Variants in TSBP1 observed in about 807,000 individuals in gnomAD.
TSBP1 encodes the protein testis expressed basic protein 1.
Under a neutral mutation model 68.8 loss-of-function variants are expected in TSBP1, and 56 were observed. That is an observed-to-expected ratio of 0.81 (90% CI 0.66 to 1.02). The LOEUF (loss-of-function observed/expected upper bound fraction) is 1.02, where lower values mean the gene tolerates loss of function less well. Among genes scored for constraint, TSBP1 ranks in the 50% least tolerant of loss-of-function variants. TSBP1 has a pLI of 0.00. For missense variants in TSBP1, 502 were observed against 641.2 expected (o/e 0.78, Z 2.34); for synonymous variants, 171 against 208.7 (o/e 0.82, Z 1.56).
At position 32,357,746 on chromosome 6, in the gene TSBP1, C is replaced by A. The variant is rs1263059271; in HGVS notation, c.218-2077G>T. ...AGAGAGTAGGAAAGGAGTTAAATAT[C>A]ATTCCAAGGTAGATAGTCTGAGCAA... is the stretch of plus-strand genomic sequence containing the variant. On this transcript the variant is annotated intron_variant, in intron 6 of 22. Coordinates refer to ENST00000612031, the Ensembl canonical transcript of TSBP1. The surrounding 1 kb of genome is among the most constrained non-coding windows in gnomAD (Gnocchi z 4.7). 1.3e-5 allele frequency among the ~76,000 whole-genome samples: 2 copies of A among 152,160 alleles called. No individual in the cohort carries two copies. The highest frequency in any genetic ancestry group is 3.9e-4 in the East Asian group (2 of 5,194).
In TSBP1 at chr6:32,337,665, C is replaced by T. The variant is rs762005258; in HGVS notation, c.410-1030G>A. On this transcript the variant is annotated intron_variant, in intron 11 of 22. Coordinates refer to ENST00000612031, the Ensembl canonical transcript of TSBP1. This position sits in a 1 kb window ranked among gnomAD's most constrained non-coding sequence, Gnocchi z 5.5. ...CAGTAACAGTCTTCTTCTTTATGAC[C>T]ACACACACACATACACATACACACA... is the stretch of plus-strand genomic sequence containing the variant. 6.6e-6 allele frequency among the ~76,000 whole-genome samples: 1 copy of T among 151,786 alleles called. No homozygotes were observed. Among genetic ancestry groups the T allele is most frequent in the Non-Finnish European group, 1.5e-5 (1 of 67,926 alleles).
chr6:32,310,522 T>G (rs1437095837), intron 19 of TSBP1, among the ~76,000 whole-genome samples: 2 of 151,682 alleles, frequency 1.3e-5, no homozygotes, highest in African/African-American at 4.8e-5. Context: ...ATATTTTCCA[T>G]GTACTATTTT....
intron 8 of TSBP1, among the ~76,000 whole-genome samples, chr6:32,352,266 C>T (rs1045475199): frequency 5.9e-5 from 9 of 151,814 alleles, no homozygotes; most frequent in African/African-American, 1.9e-4. Context: ...AAGAATACCA[C>T]AAACAAGATG....
Position 32,336,897 on chromosome 6 carries a change from T to C in TSBP1, c.410-262A>G, listed in dbSNP as rs1185290214. 3.9e-5 allele frequency among the ~76,000 whole-genome samples: 6 copies of C among 152,356 alleles called. No homozygotes were observed. Among genetic ancestry groups the C allele is most frequent in the East Asian group, 1.9e-4 (1 of 5,196 alleles). ...ACTACAGTTTTAAACATGAATTATT[T>C]GGCTTTCCCTTGTCCTAAACTCAGT... On this transcript the variant is annotated intron_variant, in intron 11 of 22. Transcript: ENST00000612031. The surrounding 1 kb of genome is among the most constrained non-coding windows in gnomAD (Gnocchi z 5.2).
chr6:32,325,832 AT>A lies in TSBP1; in HGVS notation c.515-2219del. ...GGTTCTGGAAACTTAGGTGGTGGTCATGGAGGTGGTTTCGGTGGGAATGACA... is the reference window on the plus strand; with the variant it reads ...GGTTCTGGAAACTTAGGTGGTGGTCAGGAGGTGGTTTCGGTGGGAATGACA... On this transcript the variant is annotated intron_variant, in intron 16 of 22. Transcript: ENST00000612031. The surrounding 1 kb of genome is among the most constrained non-coding windows in gnomAD (Gnocchi z 4.4). 7.6e-7 allele frequency: 1 copy of A among 1,324,028 alleles called. No individual in the cohort carries two copies. Among genetic ancestry groups the A allele is most frequent in the Non-Finnish European group, 1.1e-6 (1 of 930,838 alleles). The allele number at this position is 1,324,028 out of a possible 1,614,324, so 82.0% of individuals were successfully genotyped here.
chr6:32,332,112 C>A (rs775502299), intron 14 of TSBP1, 58 bp from the exon 16 acceptor site: 11 of 1,311,176 alleles, frequency 8.4e-6, no homozygotes, highest in Non-Finnish European at 1.2e-5. Context: ...GTATTTTTCA[C>A]TAATTTTATC....
intron 16 of TSBP1, among the ~76,000 whole-genome samples, chr6:32,327,726 T>C (rs1461859005): frequency 6.6e-6 from 1 of 150,694 alleles, no homozygotes; most frequent in Non-Finnish European, 1.5e-5. Flanking sequence ...TGACCTCAGC[T>C]CACTGCAACC....
chr6:32,367,129 G>T (rs1009802745), intron 4 of TSBP1, among the ~76,000 whole-genome samples: 1 of 151,584 alleles, frequency 6.6e-6, no homozygotes, highest in Non-Finnish European at 1.5e-5. Context: ...GGTGTAGCTG[G>T]TGGGCCTGGT....
chr6:32,313,953 A>G (rs1439554897), intron 19 of TSBP1, among the ~76,000 whole-genome samples: 1 of 152,070 alleles, frequency 6.6e-6, no homozygotes, highest in East Asian at 1.9e-4. Flanking sequence ...GTGGAATTCC[A>G]GTTTTCTACA....
At chr6:32,305,431 G>A (rs561164359) in intron 19 of TSBP1, among the ~76,000 whole-genome samples, 18 of 152,296 alleles carry the variant, frequency 1.2e-4, no homozygotes, top group Middle Eastern at 3.4e-3. Context: ...ACACTTACAC[G>A]TAGACATATA....
intron 4 of TSBP1, among the ~76,000 whole-genome samples, chr6:32,367,662 G>A (rs949960409): frequency 6.6e-6 from 1 of 152,140 alleles, no homozygotes; most frequent in African/African-American, 2.4e-5. Context: ...TTTCGGAGCG[G>A]TTCCTTAACC....
At chr6:32,317,587 G>C (rs1053099430) in intron 18 of TSBP1, among the ~76,000 whole-genome samples, 2 of 152,148 alleles carry the variant, frequency 1.3e-5, no homozygotes, top group African/African-American at 4.8e-5. Context: ...TCCAGCGCCT[G>C]TAAGGAACTT....
intron 9 of TSBP1, 36 bp downstream of exon 9, chr6:32,349,704 A>T: frequency 7.8e-7 from 1 of 1,283,148 alleles, no homozygotes; most frequent in Non-Finnish European, 1.1e-6. Flanking sequence ...ATGGGGCTAA[A>T]TGTCAGCAGA....
chr6:32,354,949 C>T (rs774014378), intron 8 of TSBP1, among the ~76,000 whole-genome samples, 175 bp downstream of exon 8: 8 of 151,862 alleles, frequency 5.3e-5, no homozygotes, highest in Non-Finnish European at 1.2e-4. Flanking sequence ...TCTATGATAA[C>T]TTGAGAAATA....
chr6:32,322,544 T>C (rs1767750210), intron 18 of TSBP1, 38 bp from the exon 20 acceptor site: 2 of 1,513,694 alleles, frequency 1.3e-6, no homozygotes, highest in Non-Finnish European at 1.8e-6. Context: ...TTAATTTTTC[T>C]CAAATAGAAA....
intron 9 of TSBP1, among the ~76,000 whole-genome samples, chr6:32,344,805 G>GCCTTTGTAAAGACTGAAACTGTTAA (rs1395342895): frequency 4.7e-5 from 7 of 149,254 alleles, no homozygotes; most frequent in African/African-American, 1.7e-4. Context: ...TTTCTTCTCA[G>GCCTTTGTAAAGACTGAAACTGTTAA]CCTTTGTAAA....
chr6:32,339,470 G>C (rs532933111), intron 10 of TSBP1, 130 bp downstream of exon 11: 5 of 741,346 alleles, frequency 6.7e-6, no homozygotes, highest in Non-Finnish European at 1.3e-5. Flanking sequence ...CTGGTAGCAG[G>C]CACATTATAG....
chr6:32,358,694 C>T (rs1219203401), intron 6 of TSBP1, among the ~76,000 whole-genome samples: 2 of 139,990 alleles, frequency 1.4e-5, no homozygotes, highest in African/African-American at 2.5e-5. Flanking sequence ...GATAGTTTGC[C>T]GAGAATGATG....
exon 1 of TSBP1, chr6:32,371,814 C>T: frequency 3.0e-6 from 4 of 1,342,672 alleles, no homozygotes; most frequent in South Asian, 1.2e-5. Flanking sequence ...GCAATATGAA[C>T]TTGGGTGTCA....
Sources: allele counts gnomAD v4.1 joint callset (sites outside exome capture counted in the v4.1 genomes callset), GRCh38; gene constraint gnomAD v4.1.1; non-coding constraint Gnocchi (gnomAD v3.1); transcripts MANE v1.5; gene names NCBI Gene and HGNC (gene_info 2026-07-23, HGNC 2026-07-21).